KDELR3: variants seen among roughly 807,000 people sequenced by gnomAD.
The protein encoded by KDELR3 is KDEL endoplasmic reticulum protein retention receptor 3.
Under a neutral mutation model 22.7 loss-of-function variants are expected in KDELR3, and 26 were observed. That is an observed-to-expected ratio of 1.15 (90% CI 0.84 to 1.59). The LOEUF is 1.59. KDELR3 is among the 40% of genes most tolerant of loss of function. The pLI is 0.00. For missense variants in KDELR3, 289 were observed against 251.1 expected (o/e 1.15, Z -1.02); for synonymous variants, 120 against 98.2 (o/e 1.22, Z -1.31).
Position 38,474,564 on chromosome 22 carries a change from A to G in KDELR3, c.133A>G (p.Thr45Ala). The G allele has an allele frequency of 6.2e-7, 1 of 1,614,002 alleles. No homozygotes were observed. The highest frequency in any genetic ancestry group is 2.2e-5 in the East Asian group (1 of 44,842). The change falls in exon 2 of 5, where the codon ACC (threonine) becomes GCC (alanine). Residue 45 changes from threonine to alanine, a missense_variant. Coordinates refer to ENST00000216014, the MANE Select transcript of KDELR3 (RefSeq NM_006855.4). Reference sequence around the variant, plus strand: ...CCAGATCCTGTTTGCTCTCGTCTTCACCACCAGGTACCTGGACCTGTTCAC... The same window carrying G: ...CCAGATCCTGTTTGCTCTCGTCTTCGCCACCAGGTACCTGGACCTGTTCAC... The part of the protein sequence containing the change: ...KSQILFALVF[T>A]TRYLDLFTNF...
At chr22:38,476,258 C>T (rs868025251) in intron 2 of KDELR3, among the ~76,000 whole-genome samples, 4 of 151,378 alleles carry the variant, frequency 2.6e-5, no homozygotes, top group Non-Finnish European at 4.4e-5. Flanking sequence ...CTCGCTCTGT[C>T]GCCCAGGCTG....
Position 38,476,525 on chromosome 22 carries a change from T to G in KDELR3, c.192+1902T>G, listed in dbSNP as rs190857836. Among the ~76,000 whole-genome samples, 67 of 151,048 alleles carry G rather than the reference T, an allele frequency of 4.4e-4. 1 individual carries two copies. In the East Asian group the frequency reaches 9.6e-3, roughly 22 times the overall value. The stretch of plus-strand genomic sequence containing the variant: ...GAGCCATTGCGCCCGGCCAGGAGTC[T>G]TCTTTTTTGTTGTTGTTGAAATGGA... On this transcript the variant is annotated intron_variant, in intron 2 of 4. Coordinates refer to ENST00000216014, the MANE Select transcript of KDELR3 (RefSeq NM_006855.4).
chr22:38,477,661 A>C (rs1275014316), intron 2 of KDELR3, among the ~76,000 whole-genome samples: 1 of 152,212 alleles, frequency 6.6e-6, no homozygotes, highest in African/African-American at 2.4e-5. Flanking sequence ...TTGGGATTTC[A>C]GGCATGTTGT....
chr22:38,473,158 C>T (rs183795294), intron 1 of KDELR3, among the ~76,000 whole-genome samples: 13 of 152,234 alleles, frequency 8.5e-5, no homozygotes, highest in Non-Finnish European at 1.2e-4. Flanking sequence ...GGCGCGGTGG[C>T]TCACGCCTAT....
intron 1 of KDELR3, among the ~76,000 whole-genome samples, chr22:38,473,203 A>G (rs2089535597): frequency 6.6e-6 from 1 of 152,148 alleles, no homozygotes; most frequent in Non-Finnish European, 1.5e-5. Flanking sequence ...TAGGAGGATC[A>G]CTTGGGCCCA....
At chr22:38,468,657 G>A (rs892852101) in intron 1 of KDELR3, among the ~76,000 whole-genome samples, 3 of 152,032 alleles carry the variant, frequency 2.0e-5, no homozygotes, top group Admixed American at 1.3e-4. Context: ...TTCCACCATC[G>A]ACTGTGGGGA....
At chr22:38,480,624 G>T (rs2089592954) in intron 3 of KDELR3, among the ~76,000 whole-genome samples, 1 of 151,962 alleles carries the variant, frequency 6.6e-6, no homozygotes, top group Admixed American at 6.6e-5. Flanking sequence ...GTGGTGGCAG[G>T]CGCCTGTAGT....
rs138428820 is a variant in KDELR3 at position 38,479,627 on chromosome 22, A to G, written c.227A>G (p.Tyr76Cys). 3,729 of 1,613,984 alleles carry G rather than the reference A, an allele frequency of 2.3e-3. 13 individuals carry two copies. Among genetic ancestry groups the G allele is most frequent in the Non-Finnish European group, 2.9e-3 (3,396 of 1,179,834 alleles). Residue 76 changes from tyrosine (Y) to cysteine (C), a missense_variant, in exon 3 of 5, where the codon TAC becomes TGC. Coordinates refer to ENST00000216014, the MANE Select transcript of KDELR3 (RefSeq NM_006855.4). Reference protein sequence around the residue: ...VFLLCAYVTVYMIYGKFRKTF... With the variant: ...VFLLCAYVTVCMIYGKFRKTF... ...CTCCTCTGTGCCTATGTTACAGTGT[A>G]CATGATATATGGGAAATTCCGTAAA...
intron 2 of KDELR3, among the ~76,000 whole-genome samples, chr22:38,479,067 A>C (rs891230936): frequency 9.2e-5 from 14 of 152,068 alleles, no homozygotes; most frequent in Non-Finnish European, 2.9e-5. Context: ...TTTCTGAAGG[A>C]GCAATGGTCA....
rs1231129931 is a variant in KDELR3, at chr22:38,482,736, A to G, written c.*200A>G. 6 of 559,942 alleles carry G rather than the reference A, an allele frequency of 1.1e-5. No individual in the cohort carries two copies. Among genetic ancestry groups the G allele is most frequent in the Non-Finnish European group, 1.9e-5 (6 of 317,084 alleles). 34.7% of individuals were successfully genotyped at this position (559,942 alleles called of 1,614,324 possible). Reference sequence around the variant, plus strand: ...GCCCTTAAAGACCCATTGTAAGGTCATAAAAAACCTCGGCCACCTGCACAA... The same window carrying G: ...GCCCTTAAAGACCCATTGTAAGGTCGTAAAAAACCTCGGCCACCTGCACAA... On this transcript the variant is annotated 3_prime_UTR_variant, in exon 5 of 5. Transcript: ENST00000216014.
intron 3 of KDELR3, 90 bp downstream of exon 3, chr22:38,479,841 A>G: frequency 8.6e-7 from 1 of 1,169,290 alleles, no homozygotes; most frequent in Non-Finnish European, 1.3e-6. Flanking sequence ...TCTGCTTACA[A>G]CTGTGACCAT....
chr22:38,480,268 C>T (rs950925108), intron 3 of KDELR3, among the ~76,000 whole-genome samples: 5 of 152,030 alleles, frequency 3.3e-5, no homozygotes, highest in African/African-American at 1.2e-4. Context: ...CTCAGCTTCC[C>T]AAGTAACTGG....
At chr22:38,473,476 G>A (rs1444868662) in intron 1 of KDELR3, among the ~76,000 whole-genome samples, 2 of 151,878 alleles carry the variant, frequency 1.3e-5, no homozygotes, top group East Asian at 1.9e-4. Flanking sequence ...GAAACATCAT[G>A]GAGAGTATGA....
At chr22:38,469,889 G>A (rs939770495) in intron 1 of KDELR3, among the ~76,000 whole-genome samples, 2 of 151,806 alleles carry the variant, frequency 1.3e-5, no homozygotes, top group Non-Finnish European at 2.9e-5. Flanking sequence ...GTGTGATCTC[G>A]GCTCACTGCA....
In KDELR3 at chr22:38,468,269, C is replaced by T; in HGVS notation, c.36C>T (p.His12=). The T allele has an allele frequency of 6.2e-7, 1 of 1,613,898 alleles. No homozygotes were observed. Among genetic ancestry groups the T allele is most frequent in the Non-Finnish European group, 8.5e-7 (1 of 1,179,964 alleles). Residue 12 remains histidine, a synonymous_variant, in exon 1 of 5, where the codon CAC becomes CAT. Coordinates refer to ENST00000216014, the MANE Select transcript of KDELR3 (RefSeq NM_006855.4). ...NVFRILGDLS[H]LLAMILLLGK... is the part of the protein sequence containing the mutation. Reference sequence around the variant, plus strand: ...TCCGAATCCTCGGCGACCTGAGCCACCTCCTGGCCATGATCTTGCTGCTGG... The same window carrying T: ...TCCGAATCCTCGGCGACCTGAGCCATCTCCTGGCCATGATCTTGCTGCTGG...
intron 1 of KDELR3, among the ~76,000 whole-genome samples, chr22:38,473,166 T>C (rs1835776933): frequency 1.3e-5 from 2 of 152,192 alleles, no homozygotes; most frequent in South Asian, 4.1e-4. Context: ...GGCTCACGCC[T>C]ATAATCCCAA....
At position 38,481,316 on chromosome 22, in the gene KDELR3, G is replaced by A. The variant is rs1569133824; in HGVS notation, c.456G>A (p.Leu152=). ...CTGAGACCATAACTACTCACTACCTGTTCTTTCTGGGTCTGTACCGGGCAC... is the reference window on the plus strand; with the variant it reads ...CTGAGACCATAACTACTCACTACCTATTCTTTCTGGGTCTGTACCGGGCAC... The part of the protein sequence containing the change: ...GEAETITTHY[L]FFLGLYRALY... Residue 152 remains leucine (L), a synonymous_variant, in exon 4 of 5, where the codon CTG becomes CTA. Coordinates refer to ENST00000216014, the MANE Select transcript of KDELR3 (RefSeq NM_006855.4). The A allele has an allele frequency of 6.2e-7, 1 of 1,614,186 alleles. No individual in the cohort carries two copies. The highest frequency in any genetic ancestry group is 1.1e-5 in the South Asian group (1 of 91,088).
intron 4 of KDELR3, 188 bp downstream of exon 4, chr22:38,481,652 TTATGTGTACTA>T (rs2089602708): frequency 3.5e-6 from 5 of 1,442,918 alleles, no homozygotes; most frequent in Non-Finnish European, 4.5e-6. Flanking sequence ...GGCCAATAGG[TTATGTGTACTA>T]TGCAAGACAG....
chr22:38,475,787 C>T (rs1397554800), intron 2 of KDELR3, among the ~76,000 whole-genome samples: 5 of 152,132 alleles, frequency 3.3e-5, no homozygotes, highest in Admixed American at 1.3e-4. Flanking sequence ...GCATGTGCCA[C>T]CATGTCCAGC....
Sources: allele counts gnomAD v4.1 joint callset (sites outside exome capture counted in the v4.1 genomes callset), GRCh38; gene constraint gnomAD v4.1.1; transcripts MANE v1.5; gene names NCBI Gene and HGNC (gene_info 2026-07-23, HGNC 2026-07-21).